THSD7B: variants seen among roughly 807,000 people sequenced by gnomAD.
The protein encoded by THSD7B is thrombospondin type-1 domain-containing protein 7B.
A neutral mutation model predicts 213.6 loss-of-function variants in THSD7B; 138 were observed. The observed-to-expected ratio is 0.65, with a 90% CI of 0.56 to 0.74. THSD7B has a LOEUF of 0.74. THSD7B is among the 30% of genes least tolerant of loss of function. The pLI, the probability that THSD7B is intolerant of heterozygous loss-of-function variation, is 0.00. For synonymous variants in THSD7B, 742 were observed against 687.0 expected, an observed-to-expected ratio of 1.08 and a Z score of -1.25; for missense variants, 1,931 against 1,991.5, an observed-to-expected ratio of 0.97 and a Z score of 0.58.
intron 15 of THSD7B, among the ~76,000 whole-genome samples, chr2:137,495,884 C>T (rs912341149): frequency 1.3e-5 from 2 of 152,124 alleles, no homozygotes; most frequent in African/African-American, 4.8e-5. Flanking sequence ...GTTCTACCCC[C>T]CTGGCAAGCC....
intron 5 of THSD7B, among the ~76,000 whole-genome samples, chr2:137,132,909 G>T (rs1441817086): frequency 6.6e-6 from 1 of 152,092 alleles, no homozygotes; most frequent in African/African-American, 2.4e-5. Context: ...TTCTATAAAA[G>T]CCCTTCAAAA....
At chr2:137,324,144 T>A (rs1374293210) in intron 12 of THSD7B, among the ~76,000 whole-genome samples, 1 of 152,186 alleles carries the variant, frequency 6.6e-6, no homozygotes, top group Non-Finnish European at 1.5e-5. Flanking sequence ...GCACATAGTG[T>A]AATTTTCATT....
chr2:137,203,746 CTATT>C (rs1364835636), intron 7 of THSD7B, among the ~76,000 whole-genome samples: 1 of 151,956 alleles, frequency 6.6e-6, no homozygotes, highest in South Asian at 2.1e-4. Context: ...AATGTAGAAT[CTATT>C]TAACTTCAGA....
At chr2:137,206,624 A>G (rs889406060) in intron 7 of THSD7B, among the ~76,000 whole-genome samples, 2 of 152,084 alleles carry the variant, frequency 1.3e-5, no homozygotes, top group African/African-American at 2.4e-5. Context: ...CTATATAAGA[A>G]TTAAACAGGT....
At chr2:137,307,132 A>G (rs1037637964) in intron 12 of THSD7B, among the ~76,000 whole-genome samples, 1 of 152,170 alleles carries the variant, frequency 6.6e-6, no homozygotes, top group Admixed American at 6.5e-5. Flanking sequence ...AAATAGGTGT[A>G]ACACCTGAAA....
At chr2:136,885,972 C>A (rs1683709914) in intron 2 of THSD7B, among the ~76,000 whole-genome samples, 1 of 151,882 alleles carries the variant, frequency 6.6e-6, no homozygotes, top group South Asian at 2.1e-4. Flanking sequence ...TGAGTAAAGA[C>A]CTGAGGGAAG....
intron 12 of THSD7B, among the ~76,000 whole-genome samples, chr2:137,318,067 T>G (rs997602064): frequency 2.6e-5 from 4 of 152,202 alleles, no homozygotes; most frequent in African/African-American, 9.7e-5. Context: ...GGCAAGATTT[T>G]TTGCATTATA....
At chr2:137,650,137 T>C (rs2104811784) in intron 21 of THSD7B, among the ~76,000 whole-genome samples, 1 of 152,348 alleles carries the variant, frequency 6.6e-6, no homozygotes, top group South Asian at 2.1e-4. Context: ...TTTGGTATTT[T>C]GATGGGGATT....
At chr2:137,283,309 G>A (rs1683081693) in intron 12 of THSD7B, among the ~76,000 whole-genome samples, 1 of 152,198 alleles carries the variant, frequency 6.6e-6, no homozygotes, top group East Asian at 1.9e-4. Context: ...TTTGGGCTGA[G>A]ATGATGGGGT....
intron 4 of THSD7B, among the ~76,000 whole-genome samples, chr2:137,104,321 C>A (rs1688205869): frequency 1.3e-5 from 2 of 152,158 alleles, no homozygotes; most frequent in South Asian, 4.1e-4. Flanking sequence ...TAAATAAGTT[C>A]TTTGAAACTA....
intron 1 of THSD7B, among the ~76,000 whole-genome samples, chr2:136,804,438 A>ACACC (rs61679077): frequency 1.4e-5 from 2 of 138,592 alleles, no homozygotes; most frequent in Admixed American, 1.4e-4. Flanking sequence ...ACACACACAC[A>ACACC]CCCTTACCCT....
intron 14 of THSD7B, among the ~76,000 whole-genome samples, chr2:137,424,618 A>T (rs1173509600): frequency 6.6e-6 from 1 of 152,206 alleles, no homozygotes; most frequent in African/African-American, 2.4e-5. Context: ...TAACAGAATG[A>T]AGGACCCAAA....
intron 2 of THSD7B, among the ~76,000 whole-genome samples, chr2:136,997,713 CAA>C (rs909834772): frequency 1.3e-5 from 2 of 152,126 alleles, no homozygotes; most frequent in Non-Finnish European, 2.9e-5. Flanking sequence ...AAAGTGAAAA[CAA>C]ATGCCTAGTC....
chr2:136,907,252 G>A (rs523091), intron 2 of THSD7B, among the ~76,000 whole-genome samples: 145,405 of 152,146 alleles, frequency 0.96, 69,579 homozygotes, highest in Admixed American at 0.98. Context: ...GGCTCAAGGT[G>A]TCATTTTTAT....
chr2:137,524,008 C>CA (rs1481924897), intron 15 of THSD7B, among the ~76,000 whole-genome samples: 1 of 151,948 alleles, frequency 6.6e-6, no homozygotes, highest in Non-Finnish European at 1.5e-5. Flanking sequence ...AAATACAAAT[C>CA]AATTTCTGGA....
intron 2 of THSD7B, among the ~76,000 whole-genome samples, chr2:136,940,729 T>TA (rs1558860528): frequency 1.6e-4 from 22 of 134,606 alleles, no homozygotes; most frequent in African/African-American, 4.7e-4. Context: ...ATATATATAA[T>TA]ATATATATAT....
chr2:137,546,446 AT>A (rs1449580023), intron 15 of THSD7B, among the ~76,000 whole-genome samples: 1 of 26,476 alleles, frequency 3.8e-5, no homozygotes, highest in Non-Finnish European at 5.8e-5. Flanking sequence ...TATATATATT[AT>A]ATATATATTA....
intron 14 of THSD7B, among the ~76,000 whole-genome samples, chr2:137,443,357 T>C (rs1434270948): frequency 6.6e-6 from 1 of 152,284 alleles, no homozygotes; most frequent in East Asian, 1.9e-4. Flanking sequence ...AAATCCTGTG[T>C]GTACCAAGAT....
intron 2 of THSD7B, among the ~76,000 whole-genome samples, chr2:136,992,757 C>A (rs538971057): frequency 6.6e-6 from 1 of 152,156 alleles, no homozygotes; most frequent in Non-Finnish European, 1.5e-5. Flanking sequence ...CTTGGCAACT[C>A]ACCTATTTAT....
Sources: gnomAD v4.1 joint callset for allele counts (sites outside exome capture counted in the v4.1 genomes callset) on GRCh38, gnomAD v4.1.1 for gene constraint, MANE v1.5 for transcripts, NCBI Gene and HGNC (gene_info 2026-07-23, HGNC 2026-07-21) for gene names.